The following PKNOX2 variants were observed in gnomAD, a reference collection of about 807,000 sequenced individuals.
PKNOX2 encodes PBX/knotted 1 homeobox 2.
A neutral mutation model predicts 53.1 loss-of-function variants in PKNOX2; 14 were observed. That is an observed-to-expected ratio of 0.26 (90% CI 0.17 to 0.41). The LOEUF (loss-of-function observed/expected upper bound fraction) is 0.41. Among genes scored for constraint, PKNOX2 ranks in the 10% least tolerant of loss-of-function variants. The probability of loss-of-function intolerance (pLI) is 1.00; values close to 1 mark genes in which losing one functional copy is unlikely to be tolerated. For synonymous variants in PKNOX2, 257 were observed against 242.8 expected, an observed-to-expected ratio of 1.06 and a Z score of -0.54; for missense variants, 496 against 602.8, an observed-to-expected ratio of 0.82 and a Z score of 1.85.
At chr11:125,265,300 G>A (rs998930646) in intron 2 of PKNOX2, among the ~76,000 whole-genome samples, 1 of 150,530 alleles carries the variant, frequency 6.6e-6, no homozygotes, top group Non-Finnish European at 1.5e-5. Flanking sequence ...AAAAAAAAAA[G>A]TTACAGGGCT....
At chr11:125,308,017 A>T (rs1948573476) in intron 2 of PKNOX2, among the ~76,000 whole-genome samples, 1 of 152,204 alleles carries the variant, frequency 6.6e-6, no homozygotes, top group Non-Finnish European at 1.5e-5. Flanking sequence ...AGAGGAGGGA[A>T]AACATTTGAG....
Position 125,354,135 on chromosome 11 carries a change from T to C in PKNOX2, c.87+2743T>C, listed in dbSNP as rs115395987. 8.3e-3 allele frequency among the ~76,000 whole-genome samples: 1,265 copies of C among 152,292 alleles called. 15 individuals are homozygous for C. The highest frequency in any genetic ancestry group is 0.028 in the African/African-American group (1,161 of 41,550). Reference sequence around the variant, plus strand: ...GCAAACTTGCATTGGACCCCTGACTTCTTCCCTTTATCTTTTCGAGATATG... The same window carrying C: ...GCAAACTTGCATTGGACCCCTGACTCCTTCCCTTTATCTTTTCGAGATATG... On this transcript the variant is annotated intron_variant, in intron 4 of 12. Transcript: ENST00000298282.
At chr11:125,400,607 G>A (rs992830143) in intron 7 of PKNOX2, among the ~76,000 whole-genome samples, 10 of 152,000 alleles carry the variant, frequency 6.6e-5, no homozygotes, top group African/African-American at 1.2e-4. Flanking sequence ...CTGTCTGTTC[G>A]GGTGACACCT....
intron 5 of PKNOX2, among the ~76,000 whole-genome samples, chr11:125,383,209 G>T (rs1240537340): frequency 1.3e-5 from 2 of 152,088 alleles, no homozygotes; most frequent in East Asian, 3.9e-4. Flanking sequence ...GGCTCCTAGG[G>T]GTTCCCCCAC....
At chr11:125,228,490 C>G (rs963485736) in intron 1 of PKNOX2, among the ~76,000 whole-genome samples, 4 of 152,162 alleles carry the variant, frequency 2.6e-5, no homozygotes, top group Non-Finnish European at 4.4e-5. Context: ...CCCACCACAC[C>G]TGATGGCTCT....
At position 125,238,349 on chromosome 11, in the gene PKNOX2, C is replaced by A. The variant is rs542398514; in HGVS notation, c.-130+3234C>A. Among the ~76,000 whole-genome samples the A allele has an allele frequency of 3.1e-4, 47 of 152,286 alleles. 2 individuals carry two copies. The South Asian group carries it at 8.9e-3, about 29-fold the overall frequency. ...GTCTTGGATTCTTCCACTTATTGGG[C>A]ACTTACTACATGCTAGGCATCATGC... On this transcript the variant is annotated intron_variant, in intron 2 of 12. Transcript: ENST00000298282.
At chr11:125,236,240 G>A (rs532846548) in intron 2 of PKNOX2, among the ~76,000 whole-genome samples, 6 of 152,278 alleles carry the variant, frequency 3.9e-5, no homozygotes, top group African/African-American at 4.8e-5. Flanking sequence ...ATTCAGCGCC[G>A]GTCGCCTCTG....
At chr11:125,338,509 C>A (rs1950532710) in intron 3 of PKNOX2, among the ~76,000 whole-genome samples, 1 of 152,152 alleles carries the variant, frequency 6.6e-6, no homozygotes, top group Admixed American at 6.5e-5. Context: ...TTTCCTTCTC[C>A]TTCCCATCCC....
chr11:125,318,407 C>G (rs1340847185), intron 2 of PKNOX2, among the ~76,000 whole-genome samples: 4 of 152,064 alleles, frequency 2.6e-5, no homozygotes, highest in Non-Finnish European at 4.4e-5. Context: ...AGGTGTGAGC[C>G]ACTGTGCCCT....
intron 2 of PKNOX2, among the ~76,000 whole-genome samples, chr11:125,316,142 G>A (rs553726380): frequency 6.6e-6 from 1 of 152,264 alleles, no homozygotes; most frequent in South Asian, 2.1e-4. Context: ...ACGCATGGAG[G>A]GAATGAGACC....
At chr11:125,251,155 C>T (rs1057238447) in intron 2 of PKNOX2, among the ~76,000 whole-genome samples, 3 of 152,238 alleles carry the variant, frequency 2.0e-5, no homozygotes, top group African/African-American at 7.2e-5. Context: ...GAGCACTTGC[C>T]ACCCTGCTGT....
intron 2 of PKNOX2, among the ~76,000 whole-genome samples, chr11:125,317,171 C>G (rs1283397840): frequency 1.3e-5 from 2 of 152,218 alleles, no homozygotes; most frequent in Non-Finnish European, 2.9e-5. Flanking sequence ...GGCTCCACTT[C>G]TCATTCTAGT....
At chr11:125,252,096 C>G (rs1591497106) in intron 2 of PKNOX2, among the ~76,000 whole-genome samples, 1 of 152,154 alleles carries the variant, frequency 6.6e-6, no homozygotes, top group South Asian at 2.1e-4. Flanking sequence ...CCACAGCGCT[C>G]GTCAAGCGGT....
intron 2 of PKNOX2, among the ~76,000 whole-genome samples, chr11:125,273,715 GT>G (rs1215682786): frequency 2.0e-5 from 3 of 152,312 alleles, no homozygotes; most frequent in East Asian, 3.9e-4. Context: ...TGTGAGTACA[GT>G]TTCCTTATTG....
At position 125,166,356 on chromosome 11, in the gene PKNOX2, T is replaced by C. The variant is rs577757980; in HGVS notation, c.-201+1580T>C. On this transcript the variant is annotated intron_variant, in intron 1 of 12. Transcript: ENST00000298282. This position sits in a 1 kb window ranked among gnomAD's most constrained non-coding sequence, Gnocchi z 4.0. ...GCCATGGCAGGCGAGCCCCGAATTT[T>C]TGCTGCTTCCCCCTGAAAGTGTTTC... Among the ~76,000 whole-genome samples the C allele has an allele frequency of 6.6e-6, 1 of 152,336 alleles. No individual in the cohort carries two copies. The highest frequency in any genetic ancestry group is 2.1e-4 in the South Asian group (1 of 4,830).
intron 8 of PKNOX2, 46 bp from the exon 9 acceptor site, chr11:125,410,733 T>A (rs1955456645): frequency 2.0e-6 from 3 of 1,463,630 alleles, no homozygotes; most frequent in Non-Finnish European, 2.9e-6. Flanking sequence ...CCCTCGCTCC[T>A]ACCCACTCCC....
At chr11:125,386,086 C>T (rs1425748819) in intron 6 of PKNOX2, among the ~76,000 whole-genome samples, 5 of 152,152 alleles carry the variant, frequency 3.3e-5, no homozygotes, top group Non-Finnish European at 5.9e-5. Context: ...CTGTCTTGGG[C>T]TGTCCAGAGA....
At chr11:125,189,443 G>GTATA (rs1565465134) in intron 1 of PKNOX2, among the ~76,000 whole-genome samples, 11 of 56,670 alleles carry the variant, frequency 1.9e-4, no homozygotes, top group Non-Finnish European at 2.3e-4. Context: ...GTGTGTGTGT[G>GTATA]TGTGTATATA....
chr11:125,389,712 G>T (rs1412774184), intron 6 of PKNOX2, among the ~76,000 whole-genome samples: 1 of 152,236 alleles, frequency 6.6e-6, no homozygotes, highest in Non-Finnish European at 1.5e-5. Flanking sequence ...CGGGCCCCCG[G>T]TGCAGGGCCA....
Sources: gnomAD v4.1 joint callset for allele counts (sites outside exome capture counted in the v4.1 genomes callset) on GRCh38, gnomAD v4.1.1 for gene constraint, Gnocchi (gnomAD v3.1) non-coding constraint, MANE v1.5 for transcripts, NCBI Gene and HGNC (gene_info 2026-07-23, HGNC 2026-07-21) for gene names.